Variants in GPHN observed in about 807,000 individuals in gnomAD.
GPHN encodes gephyrin.
Under a neutral mutation model 95.5 loss-of-function variants are expected in GPHN, and 17 were observed. The observed-to-expected ratio is 0.18, with a 90% CI of 0.12 to 0.27. The LOEUF is 0.27. Among genes scored for constraint, GPHN ranks in the 10% least tolerant of loss-of-function variants. The pLI is 1.00. For missense variants in GPHN, 660 were observed against 978.1 expected (o/e 0.67, Z 4.34); for synonymous variants, 320 against 322.5 (o/e 0.99, Z 0.08).
chr14:67,579,390 GCTT>G, the GPHN span: 3 of 1,197,196 alleles, frequency 2.5e-6, no homozygotes, highest in Non-Finnish European at 3.4e-6. Context: ...TTAGGCTCAG[GCTT>G]GGCAGATTGT....
the GPHN span, chr14:67,724,507 G>C: frequency 1.2e-6 from 2 of 1,605,860 alleles, no homozygotes; most frequent in Admixed American, 1.7e-5. Flanking sequence ...TAGAACAAAT[G>C]TGCAGCTTCC....
the GPHN span, chr14:67,656,711 A>C: frequency 5.1e-3 from 5,576 of 1,100,494 alleles, 32 homozygotes; most frequent in Middle Eastern, 0.016. Context: ...CATTCCTTTT[A>C]AGACAGAACC....
chr14:67,384,157 G>A, the GPHN span: 4 of 152,106 alleles, frequency 2.6e-5, no homozygotes, highest in Non-Finnish European at 4.4e-5. Flanking sequence ...ATCACACCAC[G>A]TCCTTATTGG....
the GPHN span, among the ~76,000 whole-genome samples, chr14:67,327,163 A>G: frequency 1.3e-5 from 2 of 152,178 alleles, no homozygotes; most frequent in Non-Finnish European, 2.9e-5. Flanking sequence ...CAACAGAGTA[A>G]GACTCTCAAA....
At chr14:67,196,412 T>C in the GPHN span, among the ~76,000 whole-genome samples, 3 of 152,016 alleles carry the variant, frequency 2.0e-5, no homozygotes, top group African/African-American at 7.2e-5. Flanking sequence ...AGACAGGATT[T>C]CACGACGTTG....
intron 4 of GPHN, among the ~76,000 whole-genome samples, chr14:66,834,906 G>A (rs1313700976): frequency 7.1e-6 from 1 of 141,628 alleles, no homozygotes; most frequent in Admixed American, 7.1e-5. Context: ...TGGTTGGTAA[G>A]CTATTGATTA....
intron 3 of GPHN, among the ~76,000 whole-genome samples, chr14:66,795,368 C>T (rs1047201974): frequency 2.0e-5 from 3 of 151,960 alleles, no homozygotes; most frequent in Non-Finnish European, 4.4e-5. Context: ...TTTTTTACTT[C>T]TTTCCTGAAA....
At chr14:66,833,838 G>A (rs1293776890) in intron 4 of GPHN, among the ~76,000 whole-genome samples, 1 of 152,118 alleles carries the variant, frequency 6.6e-6, no homozygotes, top group African/African-American at 2.4e-5. Flanking sequence ...ATCGGAATAT[G>A]TAATCATAGA....
intron 4 of GPHN, among the ~76,000 whole-genome samples, chr14:66,860,587 C>CA (rs1302289016): frequency 6.6e-6 from 1 of 151,802 alleles, no homozygotes; most frequent in Non-Finnish European, 1.5e-5. Context: ...CCCAGAAAAA[C>CA]AGAATATTTT....
intron 3 of GPHN, among the ~76,000 whole-genome samples, chr14:66,817,995 C>A (rs1272707043): frequency 6.6e-6 from 1 of 152,086 alleles, no homozygotes; most frequent in Non-Finnish European, 1.5e-5. Flanking sequence ...TAATTTACCA[C>A]AGTAGTATAT....
At chr14:67,264,386 T>C in the GPHN span, among the ~76,000 whole-genome samples, 73 of 152,304 alleles carry the variant, frequency 4.8e-4, no homozygotes, top group African/African-American at 1.7e-3. Flanking sequence ...TGTAATCTCA[T>C]TCGTCTGTTT....
At chr14:67,034,004 T>A (rs1472660451) in intron 10 of GPHN, among the ~76,000 whole-genome samples, 1 of 152,098 alleles carries the variant, frequency 6.6e-6, no homozygotes, top group Non-Finnish European at 1.5e-5. Flanking sequence ...AAAGAAAGAC[T>A]TTCCCGGGCA....
chr14:66,594,135 A>G (rs1052203543), intron 1 of GPHN, among the ~76,000 whole-genome samples: 2 of 152,162 alleles, frequency 1.3e-5, no homozygotes, highest in Admixed American at 1.3e-4. Context: ...TAAGCAGAAA[A>G]CTATAAACCA....
chr14:66,837,697 C>T (rs1165963057), intron 4 of GPHN, among the ~76,000 whole-genome samples: 1 of 151,142 alleles, frequency 6.6e-6, no homozygotes, highest in Non-Finnish European at 1.5e-5. Context: ...CACACAGTAG[C>T]ACTAAAGAGG....
At chr14:66,668,941 C>G (rs902875665) in intron 1 of GPHN, among the ~76,000 whole-genome samples, 4 of 149,420 alleles carry the variant, frequency 2.7e-5, no homozygotes, top group Non-Finnish European at 5.9e-5. Flanking sequence ...AGTACAATGG[C>G]GTTATCTCGG....
the GPHN span, among the ~76,000 whole-genome samples, chr14:67,209,843 C>T: frequency 7.4e-5 from 10 of 135,036 alleles, no homozygotes; most frequent in South Asian, 2.4e-4. Flanking sequence ...AAAAAAGAAA[C>T]GAAAAAGTAT....
intron 1 of GPHN, among the ~76,000 whole-genome samples, chr14:66,559,148 T>G (rs1384965381): frequency 6.6e-6 from 1 of 152,234 alleles, no homozygotes; most frequent in Non-Finnish European, 1.5e-5. Context: ...TTGTTGGACA[T>G]TTGGCTTGGT....
the GPHN span, among the ~76,000 whole-genome samples, chr14:67,351,857 A>G: frequency 1.3e-5 from 2 of 151,884 alleles, no homozygotes; most frequent in African/African-American, 4.8e-5. Context: ...AAAGGCGTGG[A>G]AAAAATATTT....
the GPHN span, among the ~76,000 whole-genome samples, chr14:67,344,881 A>C: frequency 1.3e-5 from 2 of 149,970 alleles, no homozygotes; most frequent in African/African-American, 2.5e-5. Flanking sequence ...ATTCTGTCTC[A>C]AAGAAAAAAA....
Sources: allele counts gnomAD v4.1 joint callset (sites outside exome capture counted in the v4.1 genomes callset), GRCh38; gene constraint gnomAD v4.1.1; transcripts MANE v1.5; gene names NCBI Gene and HGNC (gene_info 2026-07-23, HGNC 2026-07-21).